Variants in SLC9A2 observed in about 807,000 individuals in gnomAD.
SLC9A2 encodes sodium/hydrogen exchanger 2.
SLC9A2 carries 42 observed loss-of-function variants against 71.7 expected under a neutral mutation model. That is an observed-to-expected ratio of 0.59 (90% CI 0.46 to 0.76). The LOEUF (loss-of-function observed/expected upper bound fraction) is 0.76, where lower values mean the gene tolerates loss of function less well. Among genes scored for constraint, SLC9A2 ranks in the 30% least tolerant of loss-of-function variants. The pLI, the probability that SLC9A2 is intolerant of heterozygous loss-of-function variation, is 0.00. For synonymous variants in SLC9A2, 396 were observed against 392.5 expected (o/e 1.01, Z -0.10); for missense variants, 829 against 1,017.4 (o/e 0.81, Z 2.52).
At chr2:102,649,911 A>G (rs1676798570) in intron 1 of SLC9A2, among the ~76,000 whole-genome samples, 1 of 152,242 alleles carries the variant, frequency 6.6e-6, no homozygotes, top group African/African-American at 2.4e-5. Flanking sequence ...CAGTGTGGTG[A>G]TTCCTCAAGG....
intron 1 of SLC9A2, among the ~76,000 whole-genome samples, chr2:102,654,175 G>A (rs1029669617): frequency 4.0e-5 from 6 of 149,730 alleles, no homozygotes; most frequent in African/African-American, 1.5e-4. Context: ...GGGGACTGGC[G>A]ATGCTGCTGT....
At chr2:102,696,079 G>C (rs185819929) in intron 7 of SLC9A2, among the ~76,000 whole-genome samples, 81 of 152,074 alleles carry the variant, frequency 5.3e-4, no homozygotes, top group African/African-American at 1.6e-3. Flanking sequence ...GCTAGGAGCA[G>C]TGGGGTACAG....
intron 9 of SLC9A2, 35 bp from the exon 10 acceptor site, chr2:102,704,509 T>G: frequency 1.3e-6 from 2 of 1,597,900 alleles, no homozygotes; most frequent in Non-Finnish European, 1.7e-6. Context: ...TTTTTGTTTT[T>G]GTTTTTTAAT....
At chr2:102,636,236 G>A (rs1326211258) in intron 1 of SLC9A2, among the ~76,000 whole-genome samples, 3 of 152,224 alleles carry the variant, frequency 2.0e-5, no homozygotes, top group African/African-American at 7.2e-5. Flanking sequence ...AGTCAGGGAG[G>A]AGGGAAAGGG....
intron 3 of SLC9A2, among the ~76,000 whole-genome samples, chr2:102,672,782 G>A (rs972866395): frequency 6.6e-6 from 1 of 152,078 alleles, no homozygotes; most frequent in African/African-American, 2.4e-5. Context: ...TCCCTGGGTT[G>A]AGATAATATA....
chr2:102,662,890 A>G (rs1480645862), intron 2 of SLC9A2, among the ~76,000 whole-genome samples: 1 of 152,028 alleles, frequency 6.6e-6, no homozygotes, highest in East Asian at 1.9e-4. Context: ...AGAAGAGATG[A>G]GCCTCCTAGG....
intron 3 of SLC9A2, among the ~76,000 whole-genome samples, chr2:102,673,620 G>A (rs978074549): frequency 6.6e-6 from 1 of 151,970 alleles, no homozygotes; most frequent in African/African-American, 2.4e-5. Flanking sequence ...TTGCTTTTTG[G>A]ACTGTTTCTT....
intron 1 of SLC9A2, among the ~76,000 whole-genome samples, chr2:102,652,509 C>T (rs1573408884): frequency 6.6e-6 from 1 of 152,140 alleles, no homozygotes; most frequent in East Asian, 1.9e-4. Flanking sequence ...ATCTTAATGC[C>T]ACCTCCTCCA....
At chr2:102,694,166 G>A (rs1213796541) in intron 5 of SLC9A2, among the ~76,000 whole-genome samples, 1 of 151,946 alleles carries the variant, frequency 6.6e-6, no homozygotes, top group African/African-American at 2.4e-5. Flanking sequence ...CTTTGTTTTT[G>A]TTAGGACATG....
At chr2:102,695,766 ATATAATATATATTATATATATATTAT>A (rs1184923613) in intron 7 of SLC9A2, among the ~76,000 whole-genome samples, 2 of 125,026 alleles carry the variant, frequency 1.6e-5, no homozygotes, top group African/African-American at 5.9e-5. Flanking sequence ...GTGTATATAT[ATATAATATATATTATATATATATTAT>A]ATATATATTA....
At chr2:102,649,879 T>G (rs551998908) in intron 1 of SLC9A2, among the ~76,000 whole-genome samples, 1 of 152,104 alleles carries the variant, frequency 6.6e-6, no homozygotes, top group Admixed American at 6.5e-5. Flanking sequence ...GGAGTGTAAA[T>G]TAGTTCAACC....
intron 1 of SLC9A2, among the ~76,000 whole-genome samples, chr2:102,646,768 A>ATATATATATATATATATATATATATATAT (rs1676731084): frequency 1.5e-5 from 2 of 132,976 alleles, no homozygotes; most frequent in African/African-American, 6.2e-5. Context: ...AACGATCCTA[A>ATATATATATATATATATATATATATATAT]ATATATATAT....
intron 1 of SLC9A2, among the ~76,000 whole-genome samples, chr2:102,631,683 TCATGGTTATG>T (rs1002510950): frequency 1.3e-5 from 2 of 152,086 alleles, no homozygotes; most frequent in African/African-American, 2.4e-5. Context: ...GGCCTAATTC[TCATGGTTATG>T]TTATCATAAT....
chr2:102,691,078 G>A (rs1677652860), intron 5 of SLC9A2, among the ~76,000 whole-genome samples: 2 of 151,998 alleles, frequency 1.3e-5, no homozygotes, highest in Admixed American at 6.6e-5. Context: ...GCTGGGGGAT[G>A]CCAGGTGGGA....
intron 1 of SLC9A2, among the ~76,000 whole-genome samples, chr2:102,648,975 A>G (rs777639618): frequency 6.6e-6 from 1 of 152,226 alleles, no homozygotes; most frequent in Non-Finnish European, 1.5e-5. Context: ...GAGAACTGAA[A>G]AAGACTACTT....
chr2:102,622,819 C>A (rs1676167927), intron 1 of SLC9A2, among the ~76,000 whole-genome samples: 1 of 152,210 alleles, frequency 6.6e-6, no homozygotes, highest in South Asian at 2.1e-4. Flanking sequence ...TGTACAGTTT[C>A]TAGCACTACA....
At chr2:102,693,401 CT>C (rs550104165) in intron 5 of SLC9A2, among the ~76,000 whole-genome samples, 102 of 152,264 alleles carry the variant, frequency 6.7e-4, no homozygotes, top group Middle Eastern at 6.8e-3. Context: ...ACAGAGCATC[CT>C]TGTGTTATTT....
chr2:102,709,799 GT>G lies in SLC9A2; in HGVS notation c.*1320del, dbSNP rs201886501. On this transcript the variant is annotated 3_prime_UTR_variant, in exon 12 of 12. Coordinates refer to ENST00000233969, the MANE Select transcript of SLC9A2 (RefSeq NM_003048.6). ...TCTTAACTGTAGATTTTATTGGCCT[GT>G]TTTTTTTTTCTAAATAATTCTTTAA... is the stretch of plus-strand genomic sequence containing the variant. 337 of 148,830 alleles carry G rather than the reference GT, an allele frequency of 2.3e-3. No homozygotes were observed. Among genetic ancestry groups the G allele is most frequent in the Non-Finnish European group, 4.1e-3 (273 of 66,794 alleles). The allele number at this position is 148,830 out of a possible 1,614,324, so 9.2% of individuals were successfully genotyped here.
At chr2:102,704,826 G>A (rs1286010261) in intron 10 of SLC9A2, 151 bp downstream of exon 10, 3 of 734,630 alleles carry the variant, frequency 4.1e-6, no homozygotes, top group Non-Finnish European at 6.7e-6. Context: ...CGGGGGAAGT[G>A]AGTGTTCACA....
Sources: allele counts gnomAD v4.1 joint callset (sites outside exome capture counted in the v4.1 genomes callset), GRCh38; gene constraint gnomAD v4.1.1; transcripts MANE v1.5; gene names NCBI Gene and HGNC (gene_info 2026-07-23, HGNC 2026-07-21).